CEP97: variants seen among roughly 807,000 people sequenced by gnomAD.
The protein encoded by CEP97 is centrosomal protein of 97 kDa.
Under a neutral mutation model 73.1 loss-of-function variants are expected in CEP97, and 43 were observed. The ratio of observed to expected loss-of-function variants is 0.59; its 90% CI spans 0.46 to 0.76. The LOEUF is 0.76. Ranked by LOEUF, CEP97 falls within the 30% of genes least tolerant of loss-of-function variation. The pLI is 0.00. For synonymous variants in CEP97, 337 were observed against 370.0 expected, an observed-to-expected ratio of 0.91 and a Z score of 1.02; for missense variants, 939 against 1,014.0, an observed-to-expected ratio of 0.93 and a Z score of 1.00.
Position 101,757,955 on chromosome 3 carries a change from A to T in CEP97, c.1349A>T (p.Lys450Met), listed in dbSNP as rs771592287. 1 of 1,614,232 alleles carries T rather than the reference A, an allele frequency of 6.2e-7. No individual in the cohort carries two copies. Among genetic ancestry groups the T allele is most frequent in the Non-Finnish European group, 8.5e-7 (1 of 1,180,044 alleles). ...GGGCTGGAAAGCCAGGTGTTGGATA[A>T]GGAAGAGGAACAGCCTTTATGGGCT... ...VKGLESQVLD[K>M]EEEQPLWAAN... Residue 450 changes from lysine (K) to methionine (M), a missense_variant, in exon 9 of 11, where the codon AAG (lysine) becomes ATG (methionine). Physicochemically the swap from Lys to Met is moderately conservative, Grantham distance 95. Transcript: ENST00000341893.
intron 4 of CEP97, among the ~76,000 whole-genome samples, chr3:101,730,993 A>G (rs1401668336): frequency 6.7e-6 from 1 of 148,522 alleles, no homozygotes; most frequent in Non-Finnish European, 1.5e-5. Flanking sequence ...AAGCCTATTT[A>G]TCTGATCAGA....
Position 101,764,980 on chromosome 3 carries a change from G to A in CEP97, c.2027G>A (p.Cys676Tyr). The A allele has an allele frequency of 6.2e-7, 1 of 1,614,154 alleles. No homozygotes were observed. Among genetic ancestry groups the A allele is most frequent in the Non-Finnish European group, 8.5e-7 (1 of 1,180,030 alleles). The part of the protein sequence containing the change: ...PLFTQSQESS[C>Y]DQNADWFIAS... ...TTTACCCAAAGCCAGGAGTCCTCTT[G>A]TGATCAAAATGCTGATTGGTTTATT... The change falls in exon 11 of 11, where the codon TGT (cysteine) becomes TAT (tyrosine). Residue 676 changes from cysteine to tyrosine, a missense_variant. Coordinates refer to ENST00000341893, the MANE Select transcript of CEP97 (RefSeq NM_024548.4).
In CEP97 at chr3:101,757,709, T is replaced by C; in HGVS notation, c.1103T>C (p.Phe368Ser). The change falls in exon 9 of 11, where the codon TTT becomes TCT. Residue 368 changes from phenylalanine to serine, a missense_variant. By Grantham distance (155) the Phe-to-Ser change is radical. Transcript: ENST00000341893. ...DDQLFAVKNNFPASVHTTRYS... is the reference protein window; with the variant it reads ...DDQLFAVKNNSPASVHTTRYS... ...CAGTTATTTGCGGTTAAGAATAATT[T>C]TCCAGCCTCTGTACACACTACGAGA... is the stretch of plus-strand genomic sequence containing the variant. 6.2e-7 allele frequency: 1 copy of C among 1,614,248 alleles called. No homozygotes were observed. Among genetic ancestry groups the C allele is most frequent in the Non-Finnish European group, 8.5e-7 (1 of 1,180,054 alleles).
In CEP97 at chr3:101,765,639, T is replaced by C. The variant is rs1413570611; in HGVS notation, c.*88T>C. ...CTTTTTTTTGGAGGGAAATACTCCC[T>C]ACCCCTAATTTTGTTACTACTTATA... is the stretch of plus-strand genomic sequence containing the variant. On this transcript the variant is annotated 3_prime_UTR_variant, in exon 11 of 11. Coordinates refer to ENST00000341893, the MANE Select transcript of CEP97 (RefSeq NM_024548.4). 9.8e-7 allele frequency: 1 copy of C among 1,018,772 alleles called. No homozygotes were observed. The highest frequency in any genetic ancestry group is 1.4e-6 in the Non-Finnish European group (1 of 691,492). 63.1% of individuals were successfully genotyped at this position (1,018,772 alleles called of 1,614,324 possible). A position where few individuals can be genotyped will look rare whatever the true frequency, so the allele number is the denominator to read the frequency against.
At position 101,758,300 on chromosome 3, in the gene CEP97, T is replaced by G; in HGVS notation, c.1694T>G (p.Leu565Arg). The G allele has an allele frequency of 6.2e-7, 1 of 1,614,228 alleles. No individual in the cohort carries two copies. Among genetic ancestry groups the G allele is most frequent in the East Asian group, 2.2e-5 (1 of 44,888 alleles). ...LQKLNDAATK[L>R]QACWRGFYAR... Reference sequence around the variant, plus strand: ...AAATTAAATGATGCAGCCACCAAGCTTCAGGCCTGTTGGCGGGGATTTTAT... The same window carrying G: ...AAATTAAATGATGCAGCCACCAAGCGTCAGGCCTGTTGGCGGGGATTTTAT... Residue 565 changes from leucine (L) to arginine (R), a missense_variant, in exon 9 of 11, where the codon CTT becomes CGT. By Grantham distance (102) the Leu-to-Arg change is moderately radical. Coordinates refer to ENST00000341893, the MANE Select transcript of CEP97 (RefSeq NM_024548.4).
chr3:101,742,613 A>C (rs1306854507), intron 6 of CEP97, among the ~76,000 whole-genome samples: 2 of 152,124 alleles, frequency 1.3e-5, no homozygotes, highest in Non-Finnish European at 2.9e-5. Flanking sequence ...GAGTGATAGC[A>C]TTAGGAGAAA....
At chr3:101,753,018 T>G (rs761459556) in intron 6 of CEP97, among the ~76,000 whole-genome samples, 9 of 152,154 alleles carry the variant, frequency 5.9e-5, no homozygotes, top group Non-Finnish European at 1.2e-4. Flanking sequence ...TCCCCATCTT[T>G]GTGGTTTTAT....
intron 9 of CEP97, 153 bp downstream of exon 9, chr3:101,758,576 C>A: frequency 1.1e-6 from 1 of 883,544 alleles, no homozygotes; most frequent in South Asian, 1.7e-5. Flanking sequence ...GTACCGAAAG[C>A]ATCTGGAGAG....
Position 101,765,309 on chromosome 3 carries a change from G to A in CEP97, c.2356G>A (p.Asp786Asn). 1 of 1,614,162 alleles carries A rather than the reference G, an allele frequency of 6.2e-7. No homozygotes were observed. The highest frequency in any genetic ancestry group is 8.5e-7 in the Non-Finnish European group (1 of 1,180,020). The change falls in exon 11 of 11, where the codon GAT (aspartate) becomes AAT (asparagine). Residue 786 changes from aspartate (D) to asparagine (N), a missense_variant. Physicochemically the swap from Asp to Asn is conservative, Grantham distance 23. Coordinates refer to ENST00000341893, the MANE Select transcript of CEP97 (RefSeq NM_024548.4). Reference sequence around the variant, plus strand: ...TTCAGTTCAACAGCTGGAAGATGCTGATGAGAGGACCAATTTTGATACAGA... The same window carrying A: ...TTCAGTTCAACAGCTGGAAGATGCTAATGAGAGGACCAATTTTGATACAGA... The part of the protein sequence containing the change: ...LTSVQQLEDA[D>N]ERTNFDTETR...
chr3:101,755,334 T>C, intron 6 of CEP97, 96 bp from the exon 7 acceptor site: 1 of 1,039,688 alleles, frequency 9.6e-7, no homozygotes, highest in African/African-American at 1.6e-5. Flanking sequence ...ACAATGGTGC[T>C]ATAAAGGTAA....
At chr3:101,758,617 C>T (rs1374324338) in intron 9 of CEP97, 194 bp downstream of exon 9, 2 of 620,404 alleles carry the variant, frequency 3.2e-6, no homozygotes, top group African/African-American at 1.8e-5. Flanking sequence ...TCCTCATCTC[C>T]ATCCCCAGCA....
chr3:101,765,230 TA>T lies in CEP97; in HGVS notation c.2279del (p.Lys760ArgfsTer17). 2 of 1,614,160 alleles carry T rather than the reference TA, an allele frequency of 1.2e-6. No homozygotes were observed. Among genetic ancestry groups the T allele is most frequent in the Non-Finnish European group, 1.7e-6 (2 of 1,180,024 alleles). ...DVSEEHGEWN[K>X]ESSNNEQDNS... is the part of the protein sequence containing the mutation. Reference sequence around the variant, plus strand: ...TTAGTGAAGAACATGGTGAATGGAATAAGGAAAGCTCAAATAACGAGCAGGA... The same window carrying T: ...TTAGTGAAGAACATGGTGAATGGAATAGGAAAGCTCAAATAACGAGCAGGA... On this transcript the variant is annotated frameshift_variant, in exon 11 of 11. Coordinates refer to ENST00000341893, the MANE Select transcript of CEP97 (RefSeq NM_024548.4). LOFTEE classifies it low-confidence loss of function (END_TRUNC).
rs1292839240 is a variant in CEP97, at chr3:101,767,250, A to C, written c.*1699A>C. On this transcript the variant is annotated 3_prime_UTR_variant, in exon 11 of 11. Transcript: ENST00000341893. ...ATATTTTCTGTTTCTTATAAATAAA[A>C]GAGTAATCTTACTTTCAGAAGGATT... is the stretch of plus-strand genomic sequence containing the variant. 6.6e-6 allele frequency: 1 copy of C among 152,246 alleles called. No individual in the cohort carries two copies. Among genetic ancestry groups the C allele is most frequent in the African/African-American group, 2.4e-5 (1 of 41,466 alleles). 9.4% of individuals were successfully genotyped at this position (152,246 alleles called of 1,614,324 possible). A position where few individuals can be genotyped will look rare whatever the true frequency, so the allele number is the denominator to read the frequency against.
rs578254520 is a variant in CEP97 at position 101,762,654 on chromosome 3, C to T, written c.1893+94C>T. The T allele has an allele frequency of 6.4e-5, 59 of 915,486 alleles. No homozygotes were observed. The African/African-American group carries it at 8.9e-4, about 14-fold the overall frequency. 56.7% of individuals were successfully genotyped at this position (915,486 alleles called of 1,614,324 possible). A position where few individuals can be genotyped will look rare whatever the true frequency, so the allele number is the denominator to read the frequency against. On this transcript the variant is annotated intron_variant, in intron 10 of 10. Coordinates refer to ENST00000341893, the MANE Select transcript of CEP97 (RefSeq NM_024548.4). ...ATAGAGTACTCAGGTGTATTAAGCACTCTTGTTCAAGGTTAAGGGTATGGC... is the reference window on the plus strand; with the variant it reads ...ATAGAGTACTCAGGTGTATTAAGCATTCTTGTTCAAGGTTAAGGGTATGGC...
chr3:101,740,601 T>A (rs922939714), intron 6 of CEP97, among the ~76,000 whole-genome samples: 1 of 152,140 alleles, frequency 6.6e-6, no homozygotes, highest in Non-Finnish European at 1.5e-5. Context: ...TTCTTTTTTT[T>A]TTTTTGAGAC....
At chr3:101,753,770 G>A (rs1286939572) in intron 6 of CEP97, among the ~76,000 whole-genome samples, 5 of 152,218 alleles carry the variant, frequency 3.3e-5, no homozygotes, top group Non-Finnish European at 7.3e-5. Flanking sequence ...CGCAGTATTA[G>A]GGTGGGAGTG....
rs901547613 is a variant in CEP97 at position 101,727,640 on chromosome 3, A to G, written c.345+99A>G. 10 of 919,688 alleles carry G rather than the reference A, an allele frequency of 1.1e-5. No homozygotes were observed. The African/African-American group carries it at 1.7e-4, about 15-fold the overall frequency. 57.0% of individuals were successfully genotyped at this position (919,688 alleles called of 1,614,324 possible). ...TTAAAAAGTGAAAGTACCCACTCCC[A>G]CTCTCCAGGGATAATCTCTGTTAAA... On this transcript the variant is annotated intron_variant, in intron 3 of 10. Coordinates refer to ENST00000341893, the MANE Select transcript of CEP97 (RefSeq NM_024548.4).
chr3:101,744,110 A>G (rs1285646939), intron 6 of CEP97, among the ~76,000 whole-genome samples: 1 of 152,154 alleles, frequency 6.6e-6, no homozygotes, highest in Non-Finnish European at 1.5e-5. Context: ...GAAAAACTAG[A>G]AGTATCTACT....
rs924910238 is a variant in CEP97, at chr3:101,730,811, G to A, written c.448-1029G>A. Among the ~76,000 whole-genome samples the A allele has an allele frequency of 2.0e-5, 3 of 152,028 alleles. No individual in the cohort carries two copies. The South Asian group carries it at 6.2e-4, about 32-fold the overall frequency. ...TATTACCATCAGATATGTTCATTAA[G>A]CCCTAGAAGCAGTATCTTAGTTCAC... On this transcript the variant is annotated intron_variant, in intron 4 of 10. Coordinates refer to ENST00000341893, the MANE Select transcript of CEP97 (RefSeq NM_024548.4).
Sources: gnomAD v4.1 joint callset for allele counts (sites outside exome capture counted in the v4.1 genomes callset) on GRCh38, gnomAD v4.1.1 for gene constraint, MANE v1.5 for transcripts, NCBI Gene and HGNC (gene_info 2026-07-23, HGNC 2026-07-21) for gene names.